The following CAP2 variants were observed in gnomAD, a reference collection of about 807,000 sequenced individuals.
CAP2 encodes adenylyl cyclase-associated protein 2.
CAP2 carries 24 observed loss-of-function variants against 57.7 expected under a neutral mutation model. The ratio of observed to expected loss-of-function variants is 0.42; its 90% CI spans 0.30 to 0.58. The LOEUF (loss-of-function observed/expected upper bound fraction) is 0.58. CAP2 is among the 20% of genes least tolerant of loss of function. The pLI is 0.22. For synonymous variants in CAP2, 194 were observed against 207.2 expected, an observed-to-expected ratio of 0.94 and a Z score of 0.55; for missense variants, 501 against 590.3, an observed-to-expected ratio of 0.85 and a Z score of 1.57.
At chr6:17,409,131 G>A (rs1049742632) in intron 1 of CAP2, among the ~76,000 whole-genome samples, 7 of 150,860 alleles carry the variant, frequency 4.6e-5, no homozygotes, top group African/African-American at 1.5e-4. Context: ...CAGCACTTTA[G>A]GAGGCTGAGG....
chr6:17,493,830 G>C (rs530738883), intron 4 of CAP2, among the ~76,000 whole-genome samples: 2 of 150,906 alleles, frequency 1.3e-5, no homozygotes, highest in Non-Finnish European at 2.9e-5. Context: ...TTACTCATCA[G>C]TTGTGGCCCC....
intron 1 of CAP2, among the ~76,000 whole-genome samples, chr6:17,407,704 G>A (rs140151939): frequency 5.0e-4 from 74 of 149,490 alleles, no homozygotes; most frequent in African/African-American, 1.8e-3. Flanking sequence ...CCTTGAACCT[G>A]GGAGGTGGAG....
At chr6:17,400,147 AC>A (rs1758772590) in intron 1 of CAP2, among the ~76,000 whole-genome samples, 1 of 151,904 alleles carries the variant, frequency 6.6e-6, no homozygotes, top group South Asian at 2.1e-4. Flanking sequence ...AATCGCTTGA[AC>A]CCGGGAGGCG....
intron 11 of CAP2, among the ~76,000 whole-genome samples, chr6:17,549,424 A>G (rs1763121770): frequency 6.6e-6 from 1 of 152,138 alleles, no homozygotes; most frequent in Non-Finnish European, 1.5e-5. Context: ...GAATCGTGCC[A>G]TTGTACTCCA....
At chr6:17,437,680 C>T (rs1437982093) in intron 3 of CAP2, among the ~76,000 whole-genome samples, 3 of 151,758 alleles carry the variant, frequency 2.0e-5, no homozygotes, top group African/African-American at 7.3e-5. Flanking sequence ...AGATCAAGAC[C>T]AGTCTGGCCA....
In CAP2 at chr6:17,505,326, C is replaced by T. The variant is rs78466665; in HGVS notation, c.301-1843C>T. 2.9e-3 allele frequency among the ~76,000 whole-genome samples: 439 copies of T among 152,296 alleles called. 5 individuals carry two copies. Among genetic ancestry groups the T allele is most frequent in the Admixed American group, 0.023 (350 of 15,294 alleles). On this transcript the variant is annotated intron_variant, in intron 4 of 12. Coordinates refer to ENST00000229922, the MANE Select transcript of CAP2 (RefSeq NM_006366.3). ...AAGGAGAGGTAAAGTCTAAAAGCTA[C>T]CGCAGCTGCACATAATTTATTTCCT...
chr6:17,463,114 C>T lies in CAP2; in HGVS notation c.300+41C>T, dbSNP rs763452857. 80 of 1,410,720 alleles carry T rather than the reference C, an allele frequency of 5.7e-5. 1 individual carries two copies. The highest frequency in any genetic ancestry group is 3.4e-5 in the Admixed American group (2 of 59,202). The allele number at this position is 1,410,720 out of a possible 1,614,324, so 87.4% of individuals were successfully genotyped here. On this transcript the variant is annotated intron_variant, in intron 4 of 12. Transcript: ENST00000229922. ...GAGAGGGAAGGTGTCCCAGGGTATG[C>T]GCAGTGTAAGATGGAAAACAAGGAG...
In CAP2 at chr6:17,416,172, A is replaced by G. The variant is rs1267908554; in HGVS notation, c.-1-5383A>G. On this transcript the variant is annotated intron_variant, in intron 1 of 12. Transcript: ENST00000229922. ...TAGACTTGAGAAAACTCTTTTAAAC[A>G]TGTTGGAGGAATAAGTACATGGGCA... Among the ~76,000 whole-genome samples the G allele has an allele frequency of 1.9e-4, 18 of 96,516 alleles. No individual in the cohort carries two copies. In the Admixed American group the frequency reaches 1.9e-3, roughly 10 times the overall value. The allele number at this position is 96,516 out of a possible 152,430, so 63.3% of individuals were successfully genotyped here.
At chr6:17,493,052 C>T (rs560688945) in intron 4 of CAP2, among the ~76,000 whole-genome samples, 58 of 152,130 alleles carry the variant, frequency 3.8e-4, no homozygotes, top group Non-Finnish European at 7.2e-4. Flanking sequence ...ATTTTCTTCA[C>T]GTGTGAATAA....
chr6:17,485,506 T>C (rs1407235219), intron 4 of CAP2, among the ~76,000 whole-genome samples: 1 of 152,166 alleles, frequency 6.6e-6, no homozygotes, highest in African/African-American at 2.4e-5. Context: ...GACTTTGGAC[T>C]CACCCCAACC....
chr6:17,546,072 A>T (rs1414683481), intron 11 of CAP2, among the ~76,000 whole-genome samples: 1 of 152,320 alleles, frequency 6.6e-6, no homozygotes, highest in Non-Finnish European at 1.5e-5. Context: ...ATGGGATGGC[A>T]GGGTCAAATG....
chr6:17,411,076 G>T (rs1481954128), intron 1 of CAP2, among the ~76,000 whole-genome samples: 1 of 152,130 alleles, frequency 6.6e-6, no homozygotes, highest in Non-Finnish European at 1.5e-5. Flanking sequence ...CTTTCATTTA[G>T]TGTAATGCTT....
chr6:17,509,190 C>T (rs1367055362), intron 6 of CAP2, among the ~76,000 whole-genome samples: 1 of 151,888 alleles, frequency 6.6e-6, no homozygotes, highest in African/African-American at 2.4e-5. Flanking sequence ...ACCTAGTATA[C>T]TTCCAGGCCA....
chr6:17,460,810 TG>T (rs1375635814), intron 3 of CAP2, among the ~76,000 whole-genome samples: 2 of 152,218 alleles, frequency 1.3e-5, no homozygotes, highest in African/African-American at 4.8e-5. Flanking sequence ...GTTACAATGA[TG>T]TTCATTTAAT....
intron 3 of CAP2, among the ~76,000 whole-genome samples, chr6:17,448,836 A>T (rs1245225571): frequency 6.6e-6 from 1 of 151,624 alleles, no homozygotes; most frequent in African/African-American, 2.4e-5. Flanking sequence ...ATCTCAGCTC[A>T]CTGCAACCTC....
chr6:17,545,331 A>AT (rs528143567), intron 11 of CAP2, among the ~76,000 whole-genome samples: 10 of 151,972 alleles, frequency 6.6e-5, no homozygotes, highest in East Asian at 1.9e-4. Context: ...AGCAGTTAGC[A>AT]TTTTTTTTAA....
chr6:17,455,979 A>G (rs1760557560), intron 3 of CAP2, among the ~76,000 whole-genome samples: 2 of 152,182 alleles, frequency 1.3e-5, no homozygotes, highest in African/African-American at 2.4e-5. Flanking sequence ...TGCTGCTAAC[A>G]GTTTTGTAGT....
chr6:17,502,997 AG>A (rs1761867370), intron 4 of CAP2, among the ~76,000 whole-genome samples: 1 of 152,140 alleles, frequency 6.6e-6, no homozygotes, highest in Non-Finnish European at 1.5e-5. Flanking sequence ...AGCTCCAGGG[AG>A]GGTATTTAAA....
intron 12 of CAP2, among the ~76,000 whole-genome samples, chr6:17,553,889 C>G (rs6917222): frequency 0.13 from 19,048 of 152,112 alleles, 1,329 homozygotes; most frequent in African/African-American, 0.17. Flanking sequence ...CAAAGAGGTG[C>G]CTTCATCTGG....
Sources: allele counts gnomAD v4.1 joint callset (sites outside exome capture counted in the v4.1 genomes callset), GRCh38; gene constraint gnomAD v4.1.1; transcripts MANE v1.5; gene names NCBI Gene and HGNC (gene_info 2026-07-23, HGNC 2026-07-21).